ERICH6: variants seen among roughly 807,000 people sequenced by gnomAD.
ERICH6 encodes glutamate-rich protein 6.
Under a neutral mutation model 71.0 loss-of-function variants are expected in ERICH6, and 71 were observed. That is an observed-to-expected ratio of 1.00 (90% CI 0.83 to 1.22). The LOEUF (loss-of-function observed/expected upper bound fraction) is 1.22, where lower values mean the gene tolerates loss of function less well. Ranked by LOEUF, ERICH6 falls within the 50% of genes most tolerant of loss-of-function variation. ERICH6 has a pLI of 0.00. For synonymous variants in ERICH6, 262 were observed against 278.4 expected (o/e 0.94, Z 0.59); for missense variants, 808 against 797.2 (o/e 1.01, Z -0.16).
In ERICH6 at chr3:150,703,735, A is replaced by ACCTCCTCCT. The variant is rs762270129; in HGVS notation, c.155_163dup (p.Glu52_Glu54dup). The ACCTCCTCCT allele has an allele frequency of 2.9e-3, 4,465 of 1,554,716 alleles. 233 individuals are homozygous for ACCTCCTCCT. In the African/African-American group the frequency reaches 0.061, roughly 21 times the overall value. On this transcript the variant is annotated inframe_insertion, in exon 1 of 14. Coordinates refer to ENST00000295910, the MANE Select transcript of ERICH6 (RefSeq NM_152394.5). ...TTCCCCCACCAACTCCTCCTCCACC[A>ACCTCCTCCT]CCTCCTCCTCCTCCTCCTCCACCTC...
At chr3:150,685,462 C>T (rs541290219) in intron 6 of ERICH6, among the ~76,000 whole-genome samples, 4 of 152,092 alleles carry the variant, frequency 2.6e-5, no homozygotes, top group Non-Finnish European at 5.9e-5. Context: ...AGGATTTTCC[C>T]CTATATGTTG....
At chr3:150,697,466 G>A (rs975531688) in intron 3 of ERICH6, among the ~76,000 whole-genome samples, 1 of 151,886 alleles carries the variant, frequency 6.6e-6, no homozygotes, top group Non-Finnish European at 1.5e-5. Flanking sequence ...ACTCCAATAT[G>A]GCTTTTATCC....
chr3:150,675,857 C>A (rs1442182152), intron 10 of ERICH6, among the ~76,000 whole-genome samples: 2 of 134,852 alleles, frequency 1.5e-5, no homozygotes, highest in Non-Finnish European at 3.2e-5. Flanking sequence ...TTCTTTCTTT[C>A]CTTTTTTTTT....
intron 10 of ERICH6, among the ~76,000 whole-genome samples, chr3:150,676,634 A>T (rs76706236): frequency 0.04 from 6,070 of 151,878 alleles, 426 homozygotes; most frequent in African/African-American, 0.14. Context: ...CAGCCCTTAC[A>T]TTCTTTTGGT....
Position 150,699,576 on chromosome 3 carries a change from G to A in ERICH6, c.462-694C>T, listed in dbSNP as rs541019160. On this transcript the variant is annotated intron_variant, in intron 2 of 13. Transcript: ENST00000295910. ...TCATTTATAAATAAAAATGGGCAAC[G>A]AAGGATTACCACTTAAGAAAAATCA... Among the ~76,000 whole-genome samples the A allele has an allele frequency of 5.9e-5, 9 of 152,168 alleles. No individual in the cohort carries two copies. In the South Asian group the frequency reaches 1.5e-3, roughly 25 times the overall value.
intron 12 of ERICH6, among the ~76,000 whole-genome samples, chr3:150,668,098 T>G (rs1167637944): frequency 6.6e-6 from 1 of 152,204 alleles, no homozygotes; most frequent in African/African-American, 2.4e-5. Flanking sequence ...ATTATCTGAT[T>G]GTGTCTAGGA....
intron 6 of ERICH6, 28 bp from the exon 7 acceptor site, chr3:150,682,344 G>C (rs762378514): frequency 3.0e-4 from 467 of 1,562,150 alleles, no homozygotes; most frequent in Non-Finnish European, 4.0e-4. Context: ...AAAAATTAAA[G>C]AAGTCCCCAC....
chr3:150,694,162 C>T (rs1236632357), intron 3 of ERICH6, among the ~76,000 whole-genome samples: 2 of 152,070 alleles, frequency 1.3e-5, no homozygotes, highest in African/African-American at 4.8e-5. Flanking sequence ...ACTGCTAAAA[C>T]CATTTTAGCC....
At chr3:150,675,307 C>A (rs952630505) in intron 10 of ERICH6, among the ~76,000 whole-genome samples, 1 of 152,040 alleles carries the variant, frequency 6.6e-6, no homozygotes, top group Admixed American at 6.6e-5. Flanking sequence ...AAAAAGTGAT[C>A]ATCTTTATCT....
At chr3:150,697,261 T>C (rs1479738397) in intron 3 of ERICH6, among the ~76,000 whole-genome samples, 2 of 152,186 alleles carry the variant, frequency 1.3e-5, no homozygotes, top group Admixed American at 1.3e-4. Flanking sequence ...ACCAACATGA[T>C]AATAGTGGTG....
At chr3:150,686,217 G>A (rs1037206080) in intron 4 of ERICH6, 81 bp downstream of exon 4, 1 of 1,493,896 alleles carries the variant, frequency 6.7e-7, no homozygotes, top group Non-Finnish European at 9.3e-7. Context: ...AAAGCAGATG[G>A]GCTCTGTGCG....
In ERICH6 at chr3:150,703,689, AGGGGCCT is replaced by A. The variant is rs1458725747; in HGVS notation, c.203_209del (p.Glu68ValfsTer29). On this transcript the variant is annotated frameshift_variant, in exon 1 of 14. Transcript: ENST00000295910. LOFTEE classifies it high-confidence loss of function. ...AGAGGTACTCTTCGCTGAACGTCTC[AGGGGCCT>A]CCAACTCCTGCTCTTCCCCCACCAA... 1 of 1,610,130 alleles carries A rather than the reference AGGGGCCT, an allele frequency of 6.2e-7. No individual in the cohort carries two copies. The highest frequency in any genetic ancestry group is 1.7e-5 in the Admixed American group (1 of 59,616).
intron 2 of ERICH6, 41 bp downstream of exon 2, chr3:150,702,080 A>T: frequency 7.7e-7 from 1 of 1,298,874 alleles, no homozygotes. Flanking sequence ...GGTAAACATT[A>T]TTGGGTTCAA....
intron 11 of ERICH6, among the ~76,000 whole-genome samples, chr3:150,673,613 C>T (rs551401205): frequency 6.6e-6 from 1 of 151,906 alleles, no homozygotes; most frequent in Admixed American, 6.6e-5. Context: ...TTCTGAGACA[C>T]GGTCCCACTT....
chr3:150,667,897 A>G (rs879865782), intron 12 of ERICH6, among the ~76,000 whole-genome samples: 2 of 152,186 alleles, frequency 1.3e-5, no homozygotes, highest in Admixed American at 1.3e-4. Flanking sequence ...ATATAACTTA[A>G]AGGAAAAGAC....
At chr3:150,672,262 TAC>T (rs1711508609) in intron 11 of ERICH6, among the ~76,000 whole-genome samples, 1 of 143,310 alleles carries the variant, frequency 7.0e-6, no homozygotes, top group African/African-American at 2.7e-5. Context: ...CATTTATATA[TAC>T]ATATATATAT....
intron 13 of ERICH6, 97 bp downstream of exon 13, chr3:150,666,690 T>C: frequency 4.0e-6 from 4 of 1,008,956 alleles, no homozygotes; most frequent in South Asian, 1.7e-5. Context: ...CAGTAGATTA[T>C]GCACTAGTGT....
rs140825754 is a variant in ERICH6, at chr3:150,680,347, C to T, written c.1111+121G>A. 1,527 of 999,630 alleles carry T rather than the reference C, an allele frequency of 1.5e-3. 2 individuals are homozygous for T. Among genetic ancestry groups the T allele is most frequent in the Middle Eastern group, 2.9e-3 (13 of 4,432 alleles). The allele number at this position is 999,630 out of a possible 1,614,324, so 61.9% of individuals were successfully genotyped here. Reference sequence around the variant, plus strand: ...CTTCCCAAAGTGTTGGGATTACAGGCGTGAGCCACTGCACCTGGCCAATAC... The same window carrying T: ...CTTCCCAAAGTGTTGGGATTACAGGTGTGAGCCACTGCACCTGGCCAATAC... On this transcript the variant is annotated intron_variant, in intron 9 of 13. Coordinates refer to ENST00000295910, the MANE Select transcript of ERICH6 (RefSeq NM_152394.5).
intron 6 of ERICH6, among the ~76,000 whole-genome samples, chr3:150,682,923 T>C (rs1173587610): frequency 6.6e-6 from 1 of 151,636 alleles, no homozygotes; most frequent in Non-Finnish European, 1.5e-5. Context: ...AAGGGAGAGA[T>C]TGGGAGTTAG....
Sources: gnomAD v4.1 joint callset for allele counts (sites outside exome capture counted in the v4.1 genomes callset) on GRCh38, gnomAD v4.1.1 for gene constraint, MANE v1.5 for transcripts, NCBI Gene and HGNC (gene_info 2026-07-23, HGNC 2026-07-21) for gene names.